The following PRKAR1B variants were observed in gnomAD, a reference collection of about 807,000 sequenced individuals.
PRKAR1B encodes protein kinase cAMP-dependent type I regulatory subunit beta, also known as cAMP-dependent protein kinase type I-beta regulatory subunit.
A neutral mutation model predicts 46.5 loss-of-function variants in PRKAR1B; 22 were observed. The observed-to-expected ratio is 0.47, with a 90% CI of 0.34 to 0.68. PRKAR1B has a LOEUF of 0.68. Among genes scored for constraint, PRKAR1B ranks in the 30% least tolerant of loss-of-function variants. The pLI is 0.01. For missense variants in PRKAR1B, 445 were observed against 535.6 expected, an observed-to-expected ratio of 0.83 and a Z score of 1.67; for synonymous variants, 259 against 217.7, an observed-to-expected ratio of 1.19 and a Z score of -1.67.
chr7:579,678 G>C (rs1056606135), intron 8 of PRKAR1B, among the ~76,000 whole-genome samples: 26 of 152,250 alleles, frequency 1.7e-4, no homozygotes, highest in African/African-American at 6.0e-4. Context: ...ATACCCAGCA[G>C]TGAAAACTGA....
At chr7:665,736 G>C (rs1201625295) in intron 4 of PRKAR1B, among the ~76,000 whole-genome samples, 1 of 152,248 alleles carries the variant, frequency 6.6e-6, no homozygotes, top group Non-Finnish European at 1.5e-5. Flanking sequence ...CCAGAATGGG[G>C]AGAGGGGGCC....
intron 9 of PRKAR1B, among the ~76,000 whole-genome samples, chr7:563,405 A>G (rs1308176301): frequency 6.6e-6 from 1 of 152,242 alleles, no homozygotes; most frequent in Non-Finnish European, 1.5e-5. Context: ...CACTGCTGAG[A>G]GCCCAGGCTG....
At chr7:588,624 ATGG>A (rs1300314317) in intron 7 of PRKAR1B, among the ~76,000 whole-genome samples, 1 of 141,750 alleles carries the variant, frequency 7.1e-6, no homozygotes, top group Non-Finnish European at 1.6e-5. Context: ...GGTGATGGTG[ATGG>A]TGGTGATGGT....
rs981518139 is a variant in PRKAR1B, at chr7:611,972, C to T, written c.441-4520G>A. On this transcript the variant is annotated intron_variant, in intron 4 of 10. Coordinates refer to ENST00000537384, the MANE Select transcript of PRKAR1B (RefSeq NM_001164760.2). ...ATGAACAGGTGGGTGAGTAGATCAA[C>T]GGATGGATGGATGGATGGATGGACA... Among the ~76,000 whole-genome samples, 13 of 123,822 alleles carry T rather than the reference C, an allele frequency of 1.0e-4. No homozygotes were observed. The South Asian group carries it at 1.1e-3, about 10-fold the overall frequency. The allele number at this position is 123,822 out of a possible 152,430, so 81.2% of individuals were successfully genotyped here.
intron 4 of PRKAR1B, among the ~76,000 whole-genome samples, chr7:650,827 G>A (rs1784868110): frequency 6.6e-6 from 1 of 152,072 alleles, no homozygotes; most frequent in Non-Finnish European, 1.5e-5. Context: ...GGCTGGGACC[G>A]AGCCCAGAGG....
chr7:554,480 T>A (rs573512141), intron 9 of PRKAR1B, among the ~76,000 whole-genome samples: 22 of 152,398 alleles, frequency 1.4e-4, no homozygotes, highest in African/African-American at 4.8e-4. Context: ...ACAGGATTAC[T>A]TGGTGAAACC....
intron 4 of PRKAR1B, among the ~76,000 whole-genome samples, chr7:632,922 T>C (rs1390602676): frequency 6.6e-6 from 1 of 152,156 alleles, no homozygotes; most frequent in Non-Finnish European, 1.5e-5. Context: ...ACAGTGCCTG[T>C]CCGGGAAGCA....
intron 4 of PRKAR1B, among the ~76,000 whole-genome samples, chr7:648,875 A>C (rs1316605114): frequency 6.6e-6 from 1 of 152,188 alleles, no homozygotes; most frequent in East Asian, 1.9e-4. Context: ...AAGAACTTTT[A>C]ACATTTGGCC....
intron 4 of PRKAR1B, among the ~76,000 whole-genome samples, chr7:657,445 T>A (rs1168911324): frequency 6.6e-6 from 1 of 152,186 alleles, no homozygotes; most frequent in Non-Finnish European, 1.5e-5. Context: ...GAATGATTCA[T>A]GCTGACCTCT....
chr7:660,592 C>G (rs1476288590), intron 4 of PRKAR1B, among the ~76,000 whole-genome samples: 1 of 121,784 alleles, frequency 8.2e-6, no homozygotes, highest in Non-Finnish European at 1.7e-5. Flanking sequence ...GGTCCCCACC[C>G]CAACAGATGC....
intron 7 of PRKAR1B, among the ~76,000 whole-genome samples, chr7:590,433 G>A (rs1467618520): frequency 2.0e-5 from 3 of 152,118 alleles, no homozygotes; most frequent in Admixed American, 6.5e-5. Context: ...TGTGGCCCTC[G>A]CGTGCCCAGT....
chr7:578,934 A>C, intron 9 of PRKAR1B: 1 of 926,412 alleles, frequency 1.1e-6, no homozygotes, highest in Non-Finnish European at 1.4e-6. Flanking sequence ...CACCCGCCTC[A>C]GCCTCCCACA....
At chr7:562,842 G>A (rs1008770344) in intron 9 of PRKAR1B, among the ~76,000 whole-genome samples, 4 of 152,100 alleles carry the variant, frequency 2.6e-5, no homozygotes, top group African/African-American at 9.7e-5. Flanking sequence ...CTGACCCCCG[G>A]CCAGGATGTC....
intron 4 of PRKAR1B, among the ~76,000 whole-genome samples, chr7:646,050 A>AC (rs1562586357): frequency 6.8e-6 from 1 of 147,384 alleles, no homozygotes; most frequent in Non-Finnish European, 1.5e-5. Flanking sequence ...ACTGCACGCT[A>AC]TTTTTTTTTT....
chr7:716,667 C>G (rs1024250343), intron 1 of PRKAR1B: 2 of 152,212 alleles, frequency 1.3e-5, no homozygotes, highest in African/African-American at 4.8e-5. Flanking sequence ...GAGACCAACA[C>G]AGCTATTTTC....
At chr7:707,003 G>A (rs1295202993) in intron 2 of PRKAR1B, among the ~76,000 whole-genome samples, 1 of 152,174 alleles carries the variant, frequency 6.6e-6, no homozygotes, top group Non-Finnish European at 1.5e-5. Context: ...CAGGGCTGCC[G>A]CCCTACCCAG....
At position 550,503 on chromosome 7, in the gene PRKAR1B, A is replaced by C. The variant is rs1159035224; in HGVS notation, c.1073T>G (p.Val358Gly). ...VKLDRPRFER[V>G]LGPCSEILKR... ...GAGGATCTCAGAGCAGGGCCCCAGC[A>C]CACGCTCGAAGCGGGGCCGGTCCAG... is the stretch of plus-strand genomic sequence containing the variant. The change falls in exon 11 of 11, where the codon GTG becomes GGG. Residue 358 changes from valine to glycine, a missense_variant. By Grantham distance (109) the Val-to-Gly change is moderately radical. This residue lies in a region of PRKAR1B where 127 missense variants were observed against 138.0 expected (regional missense o/e 0.92). Transcript: ENST00000537384. 1 of 1,601,184 alleles carries C rather than the reference A, an allele frequency of 6.2e-7. No homozygotes were observed.
intron 9 of PRKAR1B, among the ~76,000 whole-genome samples, chr7:567,546 A>ATCATCACCATCACCT (rs568140309): frequency 7.3e-5 from 11 of 150,398 alleles, no homozygotes; most frequent in South Asian, 2.1e-4. Flanking sequence ...TATCACCATC[A>ATCATCACCATCACCT]TCATCACCAT....
chr7:695,486 C>G (rs1168647713), intron 2 of PRKAR1B, among the ~76,000 whole-genome samples: 1 of 152,166 alleles, frequency 6.6e-6, no homozygotes, highest in African/African-American at 2.4e-5. Flanking sequence ...GAAGCGCCAT[C>G]TGAATTACGA....
Sources: allele counts gnomAD v4.1 joint callset (sites outside exome capture counted in the v4.1 genomes callset), GRCh38; gene constraint gnomAD v4.1.1; regional missense constraint gnomAD v4.1.1; transcripts MANE v1.5; gene names NCBI Gene and HGNC (gene_info 2026-07-23, HGNC 2026-07-21).